The following BCAT1 variants were observed in gnomAD, a reference collection of about 807,000 sequenced individuals.
BCAT1 encodes the protein branched-chain-amino-acid aminotransferase, cytosolic.
In BCAT1, 48 loss-of-function variants were observed where a neutral mutation model predicts 52.4. The ratio of observed to expected loss-of-function variants is 0.92; its 90% CI spans 0.73 to 1.16. The LOEUF is 1.16. Ranked by LOEUF, BCAT1 falls within the 50% of genes most tolerant of loss-of-function variation. The pLI is 0.00. For synonymous variants in BCAT1, 167 were observed against 161.3 expected, an observed-to-expected ratio of 1.04 and a Z score of -0.27; for missense variants, 451 against 457.1, an observed-to-expected ratio of 0.99 and a Z score of 0.12.
upstream of BCAT1, chr12:24,949,198 GTC>G: frequency 1.9e-6 from 1 of 531,894 alleles, no homozygotes; most frequent in Admixed American, 3.5e-5. Flanking sequence ...AGATGGTGGA[GTC>G]TCTCCCAGCC....
At chr12:24,877,259 C>G (rs1383989359) in intron 5 of BCAT1, among the ~76,000 whole-genome samples, 1 of 152,218 alleles carries the variant, frequency 6.6e-6, no homozygotes, top group Non-Finnish European at 1.5e-5. Flanking sequence ...CGCTCTATCT[C>G]ACACTCTCTT....
intron 1 of BCAT1, 37 bp downstream of exon 1, chr12:24,948,890 A>G: frequency 6.3e-7 from 1 of 1,585,052 alleles, no homozygotes; most frequent in East Asian, 2.3e-5. Flanking sequence ...TCACGCACAC[A>G]TTTTTGTAAA....
At chr12:24,871,714 C>A (rs890334683) in intron 5 of BCAT1, among the ~76,000 whole-genome samples, 1 of 152,016 alleles carries the variant, frequency 6.6e-6, no homozygotes, top group African/African-American at 2.4e-5. Context: ...TACCTAAACT[C>A]CAAAGAGTAA....
At chr12:24,931,454 T>A (rs963154402) in intron 1 of BCAT1, among the ~76,000 whole-genome samples, 7 of 151,724 alleles carry the variant, frequency 4.6e-5, no homozygotes, top group Non-Finnish European at 7.4e-5. Context: ...AAAGGAAAAT[T>A]TTCTAGGATG....
chr12:24,918,134 A>G (rs1228199255), intron 1 of BCAT1, among the ~76,000 whole-genome samples: 5 of 152,208 alleles, frequency 3.3e-5, no homozygotes, highest in Non-Finnish European at 1.5e-5. Context: ...CCCACCCAAG[A>G]TGTGAAACCC....
At chr12:24,824,272 C>CCTTCCTTCCT (rs1477491998) in intron 10 of BCAT1, among the ~76,000 whole-genome samples, 24,896 of 124,352 alleles carry the variant, frequency 0.2, 3,773 homozygotes, top group Middle Eastern at 0.31. Context: ...CCTTCATTCC[C>CCTTCCTTCCT]TCCCTCCCTC....
At chr12:24,917,696 A>G (rs1447303806) in intron 1 of BCAT1, among the ~76,000 whole-genome samples, 2 of 152,132 alleles carry the variant, frequency 1.3e-5, no homozygotes, top group Admixed American at 1.3e-4. Flanking sequence ...TTCACTTTTT[A>G]TTTTTGGAGT....
intron 1 of BCAT1, among the ~76,000 whole-genome samples, chr12:24,924,532 C>T (rs1943551505): frequency 6.6e-6 from 1 of 151,984 alleles, no homozygotes; most frequent in Non-Finnish European, 1.5e-5. Flanking sequence ...ATTAGGAGTA[C>T]ACAACCTCAC....
At chr12:24,887,816 G>A (rs141466073) in intron 3 of BCAT1, among the ~76,000 whole-genome samples, 106 of 152,056 alleles carry the variant, frequency 7.0e-4, no homozygotes, top group Middle Eastern at 6.8e-3. Flanking sequence ...CGCAGTTTGC[G>A]TCTCTCCTCC....
chr12:24,927,207 G>T (rs145879166), intron 1 of BCAT1, among the ~76,000 whole-genome samples: 64 of 152,132 alleles, frequency 4.2e-4, no homozygotes, highest in African/African-American at 1.3e-3. Context: ...ATTTGGGAAG[G>T]TGAGGTGGGA....
chr12:24,941,460 C>G (rs1481601307), intron 1 of BCAT1, among the ~76,000 whole-genome samples: 1 of 152,130 alleles, frequency 6.6e-6, no homozygotes, highest in East Asian at 1.9e-4. Flanking sequence ...CAAAGAAATC[C>G]AAGTGTGGAA....
At chr12:24,867,337 CTTTTT>C (rs35488171) in intron 5 of BCAT1, among the ~76,000 whole-genome samples, 47 of 128,812 alleles carry the variant, frequency 3.6e-4, no homozygotes, top group African/African-American at 1.1e-3. Context: ...TCGAAAATAT[CTTTTT>C]TTTTTTTTTT....
intron 2 of BCAT1, among the ~76,000 whole-genome samples, chr12:24,895,552 A>G (rs1942941770): frequency 2.0e-5 from 3 of 151,874 alleles, no homozygotes; most frequent in Admixed American, 2.0e-4. Flanking sequence ...AAAGAAAAGA[A>G]GAGAAAAGAG....
Position 24,842,159 on chromosome 12 carries a change from C to T in BCAT1, c.740G>A (p.Trp247Ter), listed in dbSNP as rs369235289. Reference protein sequence around the residue: ...AVDNGCQQVLWLYGEDHQITE... With the variant: ...AVDNGCQQVL ...GATCTGATGGTCCTCTCCATAGAGC[C>T]ACAGGACCTGCTGACACCCATTATC... is the stretch of plus-strand genomic sequence containing the variant. The change falls in exon 7 of 11, where the codon TGG (tryptophan) becomes TAG (stop). Residue 247 changes from tryptophan to a stop codon, truncating the protein, a stop_gained. Coordinates refer to ENST00000261192, the MANE Select transcript of BCAT1 (RefSeq NM_005504.7). LOFTEE classifies it high-confidence loss of function. 5 of 1,613,498 alleles carry T rather than the reference C, an allele frequency of 3.1e-6. No individual in the cohort carries two copies. The highest frequency in any genetic ancestry group is 4.5e-5 in the East Asian group (2 of 44,872).
intron 10 of BCAT1, among the ~76,000 whole-genome samples, chr12:24,829,353 C>T (rs1279615680): frequency 1.3e-5 from 2 of 152,202 alleles, no homozygotes; most frequent in African/African-American, 2.4e-5. Flanking sequence ...CATCGTACTC[C>T]AGCCTGGGCA....
intron 3 of BCAT1, among the ~76,000 whole-genome samples, chr12:24,892,538 G>T (rs1942872033): frequency 6.6e-6 from 1 of 152,062 alleles, no homozygotes; most frequent in Admixed American, 6.5e-5. Context: ...CCTGGGCTTG[G>T]GCATATTATT....
intron 10 of BCAT1, among the ~76,000 whole-genome samples, chr12:24,820,549 C>A (rs1372888012): frequency 6.6e-6 from 1 of 152,088 alleles, no homozygotes; most frequent in Admixed American, 6.6e-5. Flanking sequence ...ATTGTCATTA[C>A]AAAACAACAG....
chr12:24,901,716 G>A (rs1943108276), intron 2 of BCAT1, 98 bp downstream of exon 2: 1 of 1,279,264 alleles, frequency 7.8e-7, no homozygotes, highest in African/African-American at 1.5e-5. Context: ...TAGGAACTGG[G>A]TAACCCACAC....
At chr12:24,943,216 C>T (rs987747467) in intron 1 of BCAT1, among the ~76,000 whole-genome samples, 13 of 152,130 alleles carry the variant, frequency 8.5e-5, no homozygotes, top group Admixed American at 6.6e-5. Context: ...CAAACTGGCC[C>T]AGTGCAGTGA....
Sources: gnomAD v4.1 joint callset for allele counts (sites outside exome capture counted in the v4.1 genomes callset) on GRCh38, gnomAD v4.1.1 for gene constraint, MANE v1.5 for transcripts, NCBI Gene and HGNC (gene_info 2026-07-23, HGNC 2026-07-21) for gene names.